Variants in STPG2 observed in about 807,000 individuals in gnomAD.
STPG2 encodes the protein sperm tail PG-rich repeat containing 2, also known as sperm-tail PG-rich repeat-containing protein 2.
Under a neutral mutation model 54.2 loss-of-function variants are expected in STPG2, and 56 were observed. The observed-to-expected ratio is 1.03, with a 90% CI of 0.83 to 1.29. The LOEUF is 1.29. Ranked by LOEUF, STPG2 falls within the 50% of genes most tolerant of loss-of-function variation. The pLI, the probability that STPG2 is intolerant of heterozygous loss-of-function variation, is 0.00. For missense variants in STPG2, 596 were observed against 544.9 expected (o/e 1.09, Z -0.93); for synonymous variants, 200 against 181.8 (o/e 1.10, Z -0.81).
At chr4:97,807,737 G>T (rs1224141325) in intron 9 of STPG2, among the ~76,000 whole-genome samples, 3 of 151,802 alleles carry the variant, frequency 2.0e-5, no homozygotes, top group Non-Finnish European at 2.9e-5. Flanking sequence ...TACTGACTAA[G>T]AACTTTCTAA....
Position 97,779,216 on chromosome 4 carries a change from C to T in STPG2, c.1204+61557G>A, listed in dbSNP as rs564975466. The stretch of plus-strand genomic sequence containing the variant: ...TTAGATGAATGGCTAACTAGAATAA[C>T]CAGTGTAGAGAAGTCCTTAAATGAC... On this transcript the variant is annotated intron_variant, in intron 9 of 10. Transcript: ENST00000295268. 1.4e-4 allele frequency among the ~76,000 whole-genome samples: 21 copies of T among 152,218 alleles called. No individual in the cohort carries two copies. The South Asian group carries it at 1.9e-3, about 14-fold the overall frequency.
intron 5 of STPG2, among the ~76,000 whole-genome samples, chr4:98,002,646 T>C (rs1049203986): frequency 2.6e-5 from 4 of 152,060 alleles, no homozygotes; most frequent in South Asian, 2.1e-4. Context: ...TTCATATGGA[T>C]GTAGGGTCAA....
intron 5 of STPG2, among the ~76,000 whole-genome samples, chr4:97,994,833 G>A (rs1735152946): frequency 6.6e-6 from 1 of 152,102 alleles, no homozygotes; most frequent in African/African-American, 2.4e-5. Context: ...GCATAGGGAG[G>A]ATCAGGCAGT....
intron 10 of STPG2, among the ~76,000 whole-genome samples, chr4:97,570,504 TCTCTA>T (rs771340458): frequency 2.0e-5 from 3 of 151,624 alleles, no homozygotes; most frequent in Non-Finnish European, 4.4e-5. Flanking sequence ...AAGATACCAC[TCTCTA>T]CTCTAGCTAT....
intron 5 of STPG2, among the ~76,000 whole-genome samples, chr4:97,993,938 GT>G (rs1452813466): frequency 6.6e-6 from 1 of 151,960 alleles, no homozygotes; most frequent in African/African-American, 2.4e-5. Flanking sequence ...AATAGTTCCT[GT>G]TTCATTTCTA....
At chr4:97,962,185 A>C (rs566559723) in intron 7 of STPG2, among the ~76,000 whole-genome samples, 18 of 152,274 alleles carry the variant, frequency 1.2e-4, no homozygotes, top group African/African-American at 3.9e-4. Context: ...AGAATGACAC[A>C]ATGAACTTTG....
At chr4:97,718,556 C>A (rs1418489979) in intron 9 of STPG2, among the ~76,000 whole-genome samples, 1 of 151,778 alleles carries the variant, frequency 6.6e-6, no homozygotes, top group Non-Finnish European at 1.5e-5. Flanking sequence ...TAGCCTAAAG[C>A]AAATATATGT....
intron 4 of STPG2, among the ~76,000 whole-genome samples, chr4:97,541,784 T>G (rs1056641765): frequency 6.6e-6 from 1 of 152,028 alleles, no homozygotes; most frequent in South Asian, 2.1e-4. Flanking sequence ...TATAGACCAA[T>G]GGAACAGAAC....
intron 8 of STPG2, among the ~76,000 whole-genome samples, chr4:97,898,812 C>T (rs112803392): frequency 2.0e-5 from 3 of 151,564 alleles, no homozygotes; most frequent in African/African-American, 7.2e-5. Flanking sequence ...AAATGATGAG[C>T]AAAATTCGTA....
At chr4:97,581,374 C>T (rs1340497154) in intron 10 of STPG2, among the ~76,000 whole-genome samples, 1 of 152,046 alleles carries the variant, frequency 6.6e-6, no homozygotes, top group Admixed American at 6.6e-5. Context: ...CATTAGCCAA[C>T]TAGTTTTAGG....
chr4:97,944,263 CAT>C (rs1733114430), intron 7 of STPG2, among the ~76,000 whole-genome samples: 2 of 152,008 alleles, frequency 1.3e-5, no homozygotes, highest in Non-Finnish European at 2.9e-5. Context: ...ATTACTTAAA[CAT>C]ATTAGCTATG....
intron 10 of STPG2, among the ~76,000 whole-genome samples, chr4:97,602,011 ATAG>A (rs1733475242): frequency 6.8e-6 from 1 of 146,136 alleles, no homozygotes; most frequent in African/African-American, 2.8e-5. Context: ...TGCTATTTAC[ATAG>A]TAGGTTTTAA....
In STPG2 at chr4:98,143,333, C is replaced by G. The variant is rs555805245; in HGVS notation, c.-183G>C. ...CGCCCGCTCATTGATACCAGATTTC[C>G]TCAAATCGATTTCTAGCTCTGTGGT... is the stretch of plus-strand genomic sequence containing the variant. On this transcript the variant is annotated 5_prime_UTR_variant, in exon 1 of 11. Transcript: ENST00000295268. 2 of 581,788 alleles carry G rather than the reference C, an allele frequency of 3.4e-6. No homozygotes were observed. The highest frequency in any genetic ancestry group is 6.2e-6 in the Non-Finnish European group (2 of 324,808). The allele number at this position is 581,788 out of a possible 1,614,324, so 36.0% of individuals were successfully genotyped here. A position where few individuals can be genotyped will look rare whatever the true frequency, so the allele number is the denominator to read the frequency against.
At chr4:97,939,211 A>G (rs889147613) in intron 8 of STPG2, among the ~76,000 whole-genome samples, 1 of 152,098 alleles carries the variant, frequency 6.6e-6, no homozygotes, top group African/African-American at 2.4e-5. Context: ...ACATTTGTTG[A>G]AGATTGTTTT....
intron 10 of STPG2, among the ~76,000 whole-genome samples, chr4:97,694,382 G>A (rs1460042264): frequency 6.6e-6 from 1 of 151,756 alleles, no homozygotes. Context: ...AGGCTGCTAT[G>A]AACAACTTTA....
At chr4:97,543,319 T>C (rs1578376638) in intron 4 of STPG2, among the ~76,000 whole-genome samples, 2 of 151,886 alleles carry the variant, frequency 1.3e-5, no homozygotes, top group Admixed American at 6.6e-5. Context: ...GAATAACTGA[T>C]TACTTGTAGT....
intron 5 of STPG2, among the ~76,000 whole-genome samples, chr4:98,091,522 A>C (rs958540303): frequency 6.6e-6 from 1 of 152,052 alleles, no homozygotes; most frequent in Non-Finnish European, 1.5e-5. Flanking sequence ...TCATTCCCCA[A>C]GCAAAATCAA....
At chr4:98,053,920 T>C (rs1467389799) in intron 5 of STPG2, among the ~76,000 whole-genome samples, 4 of 152,172 alleles carry the variant, frequency 2.6e-5, no homozygotes. Flanking sequence ...TAAAGACTTT[T>C]AAATTAGTCC....
At chr4:97,811,042 T>C (rs998076943) in intron 9 of STPG2, among the ~76,000 whole-genome samples, 1 of 152,150 alleles carries the variant, frequency 6.6e-6, no homozygotes, top group Non-Finnish European at 1.5e-5. Flanking sequence ...TTGTTTTGGT[T>C]CATCTGTTAA....
Sources: gnomAD v4.1 joint callset for allele counts (sites outside exome capture counted in the v4.1 genomes callset) on GRCh38, gnomAD v4.1.1 for gene constraint, MANE v1.5 for transcripts, NCBI Gene and HGNC (gene_info 2026-07-23, HGNC 2026-07-21) for gene names.